Variants in LRRN2 observed in about 807,000 individuals in gnomAD.
The protein encoded by LRRN2 is leucine-rich repeat neuronal protein 2.
Under a neutral mutation model 35.7 loss-of-function variants are expected in LRRN2, and 10 were observed. That is an observed-to-expected ratio of 0.28 (90% CI 0.17 to 0.47). The LOEUF (loss-of-function observed/expected upper bound fraction) is 0.47, where lower values mean the gene tolerates loss of function less well. Among genes scored for constraint, LRRN2 ranks in the 20% least tolerant of loss-of-function variants. The pLI, the probability that LRRN2 is intolerant of heterozygous loss-of-function variation, is 0.99. For synonymous variants in LRRN2, 391 were observed against 409.6 expected, an observed-to-expected ratio of 0.95 and a Z score of 0.55; for missense variants, 731 against 940.3, an observed-to-expected ratio of 0.78 and a Z score of 2.91.
At position 204,617,706 on chromosome 1, in the gene LRRN2, A is replaced by G; in HGVS notation, c.*145T>C. On this transcript the variant is annotated 3_prime_UTR_variant, in exon 2 of 2. Transcript: ENST00000367177. ...CTGCAGAAGCACCCCCAGGGCCACA[A>G]AGCCCCATCTGTCTTGGCCCAGCTG... 1.1e-6 allele frequency: 1 copy of G among 919,308 alleles called. No individual in the cohort carries two copies. Among genetic ancestry groups the G allele is most frequent in the Non-Finnish European group, 1.7e-6 (1 of 590,164 alleles). The allele number at this position is 919,308 out of a possible 1,614,324, so 56.9% of individuals were successfully genotyped here.
In LRRN2 at chr1:204,618,527, G is replaced by C. The variant is rs758148659; in HGVS notation, c.1466C>G (p.Ala489Gly). 8 of 1,614,044 alleles carry C rather than the reference G, an allele frequency of 5.0e-6. No individual in the cohort carries two copies. The South Asian group carries it at 8.8e-5, about 18-fold the overall frequency. ...ACAGGTGTATAGCCCTGCCTCTTCT[G>C]CTGTCACCCTCCGCAGCTCCAGGGT... is the stretch of plus-strand genomic sequence containing the variant. ...EGTLELRRVT[A>G]EEAGLYTCVA... Residue 489 changes from alanine to glycine, a missense_variant, in exon 2 of 2, where the codon GCA becomes GGA. Ala to Gly is a moderately conservative substitution (Grantham distance 60). Transcript: ENST00000367177.
At chr1:204,624,092 G>C (rs1040708425) in intron 1 of LRRN2, among the ~76,000 whole-genome samples, 24 of 152,198 alleles carry the variant, frequency 1.6e-4, no homozygotes, top group African/African-American at 5.8e-4. Flanking sequence ...TGTTTTACAG[G>C]AGCAGAGGGC....
chr1:204,641,362 T>C (rs1667973017), intron 1 of LRRN2, among the ~76,000 whole-genome samples: 1 of 152,248 alleles, frequency 6.6e-6, no homozygotes, highest in South Asian at 2.1e-4. Flanking sequence ...CCCAGTGCAA[T>C]GCTCTATTCC....
At chr1:204,637,445 C>T (rs370531977) in intron 1 of LRRN2, among the ~76,000 whole-genome samples, 3 of 152,190 alleles carry the variant, frequency 2.0e-5, no homozygotes, top group Admixed American at 6.5e-5. Context: ...CTCAGGGAGA[C>T]GCTTGGTTGC....
intron 1 of LRRN2, among the ~76,000 whole-genome samples, chr1:204,671,892 C>G (rs1310966518): frequency 1.3e-5 from 2 of 152,114 alleles, no homozygotes; most frequent in Non-Finnish European, 2.9e-5. Context: ...TGTGAACTTG[C>G]AAGTGAGTGG....
At chr1:204,646,351 G>C (rs1447733470) in intron 1 of LRRN2, among the ~76,000 whole-genome samples, 3 of 152,068 alleles carry the variant, frequency 2.0e-5, no homozygotes, top group African/African-American at 7.2e-5. Flanking sequence ...TTTTCGTTTA[G>C]TTTTTAGTGA....
chr1:204,628,840 C>A (rs1452459776), intron 1 of LRRN2: 1 of 152,414 alleles, frequency 6.6e-6, no homozygotes, highest in Non-Finnish European at 1.5e-5. Flanking sequence ...ACCAGCTCCT[C>A]CTGGCTTAGG....
intron 1 of LRRN2, among the ~76,000 whole-genome samples, chr1:204,679,029 G>C (rs1466425232): frequency 6.6e-6 from 1 of 152,188 alleles, no homozygotes; most frequent in Non-Finnish European, 1.5e-5. Flanking sequence ...CCCATCCCAT[G>C]TCTGAGATGG....
At chr1:204,683,835 T>G (rs762118964) in intron 1 of LRRN2, among the ~76,000 whole-genome samples, 4 of 152,178 alleles carry the variant, frequency 2.6e-5, no homozygotes, top group Non-Finnish European at 4.4e-5. Context: ...GCTCTGCCCT[T>G]CTGTTTCCAT....
chr1:204,661,508 T>C (rs1339267632), intron 1 of LRRN2, among the ~76,000 whole-genome samples: 1 of 152,222 alleles, frequency 6.6e-6, no homozygotes, highest in Non-Finnish European at 1.5e-5. Context: ...TTATCTACAA[T>C]GCAGATTTCT....
At chr1:204,624,051 C>A (rs1667126177) in intron 1 of LRRN2, among the ~76,000 whole-genome samples, 1 of 152,214 alleles carries the variant, frequency 6.6e-6, no homozygotes, top group South Asian at 2.1e-4. Context: ...TACATCCTGC[C>A]TCACCAGCCC....
intron 1 of LRRN2, among the ~76,000 whole-genome samples, chr1:204,652,038 A>T (rs1402761237): frequency 1.3e-5 from 2 of 152,386 alleles, no homozygotes; most frequent in African/African-American, 4.8e-5. Context: ...GCATTCTGCC[A>T]AGCAGCACAC....
At position 204,619,610 on chromosome 1, in the gene LRRN2, T is replaced by C; in HGVS notation, c.383A>G (p.Gln128Arg). The part of the protein sequence containing the change: ...QLLSLHLEEN[Q>R]LTRLEDHSFA... Reference sequence around the variant, plus strand: ...GCTGTGGTCCTCCAGCCGGGTCAGCTGGTTCTCCTCTAGGTGCAGGCTCAG... The same window carrying C: ...GCTGTGGTCCTCCAGCCGGGTCAGCCGGTTCTCCTCTAGGTGCAGGCTCAG... The change falls in exon 2 of 2, where the codon CAG becomes CGG. Residue 128 changes from glutamine to arginine, a missense_variant. This residue lies in a region of LRRN2 where 246 missense variants were observed against 289.5 expected (regional missense o/e 0.85). Coordinates refer to ENST00000367177, the MANE Select transcript of LRRN2 (RefSeq NM_201630.2). 6.2e-7 allele frequency: 1 copy of C among 1,614,188 alleles called. No individual in the cohort carries two copies. The highest frequency in any genetic ancestry group is 8.5e-7 in the Non-Finnish European group (1 of 1,180,042).
intron 1 of LRRN2, among the ~76,000 whole-genome samples, chr1:204,631,263 TA>T (rs1392725124): frequency 5.2e-5 from 1 of 19,196 alleles, no homozygotes; most frequent in East Asian, 1.9e-3. Context: ...GTTCTATATA[TA>T]TATATATATA....
intron 1 of LRRN2, among the ~76,000 whole-genome samples, chr1:204,651,191 C>T (rs1296282850): frequency 6.6e-6 from 1 of 152,178 alleles, no homozygotes; most frequent in African/African-American, 2.4e-5. Context: ...CCACCCTCAG[C>T]TGCCAGCCAG....
intron 1 of LRRN2, among the ~76,000 whole-genome samples, chr1:204,669,100 T>C (rs189852394): frequency 2.0e-5 from 3 of 152,222 alleles, no homozygotes; most frequent in Non-Finnish European, 4.4e-5. Context: ...TCTGGGATTA[T>C]AGGCATGAGC....
intron 1 of LRRN2, among the ~76,000 whole-genome samples, chr1:204,670,544 C>T (rs772877341): frequency 3.3e-5 from 5 of 152,056 alleles, no homozygotes; most frequent in Non-Finnish European, 7.4e-5. Context: ...CAACGGAAGC[C>T]GTTCGTGTGG....
intron 1 of LRRN2, among the ~76,000 whole-genome samples, chr1:204,681,864 T>A (rs1374452287): frequency 6.6e-6 from 1 of 152,220 alleles, no homozygotes; most frequent in Non-Finnish European, 1.5e-5. Flanking sequence ...GTCTTCGGTT[T>A]TGTTTTGTTG....
At chr1:204,657,001 G>A (rs1169589020) in intron 1 of LRRN2, among the ~76,000 whole-genome samples, 1 of 152,026 alleles carries the variant, frequency 6.6e-6, no homozygotes, top group Non-Finnish European at 1.5e-5. Flanking sequence ...ACTGATAGAT[G>A]GATAAAAAAA....
Sources: gnomAD v4.1 joint callset for allele counts (sites outside exome capture counted in the v4.1 genomes callset) on GRCh38, gnomAD v4.1.1 for gene constraint, gnomAD v4.1.1 regional missense constraint, MANE v1.5 for transcripts, NCBI Gene and HGNC (gene_info 2026-07-23, HGNC 2026-07-21) for gene names.